The following ANKRD33B variants were observed in gnomAD, a reference collection of about 807,000 sequenced individuals.
ANKRD33B encodes the protein ankyrin repeat domain-containing protein 33B.
ANKRD33B carries 6 observed loss-of-function variants against 21.5 expected under a neutral mutation model. The ratio of observed to expected loss-of-function variants is 0.28; its 90% CI spans 0.15 to 0.55. The LOEUF is 0.55. Ranked by LOEUF, ANKRD33B falls within the 20% of genes least tolerant of loss-of-function variation. The pLI is 0.94. For synonymous variants in ANKRD33B, 347 were observed against 342.4 expected, an observed-to-expected ratio of 1.01 and a Z score of -0.15; for missense variants, 698 against 747.2, an observed-to-expected ratio of 0.93 and a Z score of 0.77.
chr5:10,654,564 G>A lies in ANKRD33B; in HGVS notation c.*4451G>A, dbSNP rs1737438026. ...ATGCCTGGAGCTCACCCTTGATGGA[G>A]ACTTCCTTGGTGATTGGAGATGGGG... On this transcript the variant is annotated 3_prime_UTR_variant, in exon 4 of 4. Coordinates refer to ENST00000296657, the MANE Select transcript of ANKRD33B (RefSeq NM_001164440.2). 6.6e-6 allele frequency: 1 copy of A among 152,430 alleles called. No individual in the cohort carries two copies. Among genetic ancestry groups the A allele is most frequent in the African/African-American group, 2.4e-5 (1 of 41,456 alleles). The allele number at this position is 152,430 out of a possible 1,614,324, so 9.4% of individuals were successfully genotyped here. A position where few individuals can be genotyped will look rare whatever the true frequency, so the allele number is the denominator to read the frequency against.
chr5:10,595,273 C>T (rs1735795938), intron 1 of ANKRD33B, among the ~76,000 whole-genome samples: 4 of 151,970 alleles, frequency 2.6e-5, no homozygotes, highest in African/African-American at 7.2e-5. Context: ...TGAAGGCTGC[C>T]GTAACAAATG....
At chr5:10,606,664 G>A (rs570448033) in intron 1 of ANKRD33B, among the ~76,000 whole-genome samples, 1 of 152,076 alleles carries the variant, frequency 6.6e-6, no homozygotes, top group South Asian at 2.1e-4. Context: ...AACCCACGAG[G>A]TGGAGGTTGC....
At position 10,650,727 on chromosome 5, in the gene ANKRD33B, C is replaced by A. The variant is rs530424534; in HGVS notation, c.*614C>A. 1 of 152,478 alleles carries A rather than the reference C, an allele frequency of 6.6e-6. No homozygotes were observed. Among genetic ancestry groups the A allele is most frequent in the African/African-American group, 2.4e-5 (1 of 41,586 alleles). 9.4% of individuals were successfully genotyped at this position (152,478 alleles called of 1,614,324 possible). On this transcript the variant is annotated 3_prime_UTR_variant, in exon 4 of 4. Transcript: ENST00000296657. ...ACGGAGGCATTGGCTCGTTGAGCCA[C>A]ATGATCAAGTGAGACAGAGGATCAG...
At chr5:10,569,368 A>G (rs13188276) in intron 1 of ANKRD33B, among the ~76,000 whole-genome samples, 23,554 of 152,056 alleles carry the variant, frequency 0.15, 2,014 homozygotes, top group Non-Finnish European at 0.19. Flanking sequence ...AGGCCGAGGC[A>G]GGCAGATCAC....
At chr5:10,582,228 T>C (rs1735459085) in intron 1 of ANKRD33B, among the ~76,000 whole-genome samples, 1 of 152,236 alleles carries the variant, frequency 6.6e-6, no homozygotes, top group East Asian at 1.9e-4. Flanking sequence ...TGTTACTGTT[T>C]TGAAATTCTT....
rs569129244 is a variant in ANKRD33B at position 10,576,806 on chromosome 5, G to A, written c.366+11973G>A. On this transcript the variant is annotated intron_variant, in intron 1 of 3. Coordinates refer to ENST00000296657, the MANE Select transcript of ANKRD33B (RefSeq NM_001164440.2). The surrounding 1 kb of genome is among the most constrained non-coding windows in gnomAD (Gnocchi z 4.1). ...AGAAAATAGCACATCCACATGGTGA[G>A]GCCTCTTTTGTAACTGTTAAAAGTG... 6.6e-6 allele frequency among the ~76,000 whole-genome samples: 1 copy of A among 152,316 alleles called. No individual in the cohort carries two copies. Among genetic ancestry groups the A allele is most frequent in the East Asian group, 1.9e-4 (1 of 5,176 alleles).
intron 1 of ANKRD33B, among the ~76,000 whole-genome samples, chr5:10,573,507 G>T (rs983622476): frequency 6.6e-6 from 1 of 151,692 alleles, no homozygotes; most frequent in African/African-American, 2.4e-5. Context: ...TTCTTTTATG[G>T]ACATACATAC....
chr5:10,620,341 G>A (rs1273742052), intron 2 of ANKRD33B, among the ~76,000 whole-genome samples: 1 of 151,994 alleles, frequency 6.6e-6, no homozygotes, highest in Non-Finnish European at 1.5e-5. Flanking sequence ...TGAATGGGAG[G>A]AACATTGGTT....
chr5:10,570,759 A>G (rs538168425), intron 1 of ANKRD33B, among the ~76,000 whole-genome samples: 2 of 151,912 alleles, frequency 1.3e-5, no homozygotes, highest in African/African-American at 4.8e-5. Flanking sequence ...GGATCTTGCT[A>G]TGTTGCCCAG....
chr5:10,647,999 C>G (rs1357325016), intron 3 of ANKRD33B, among the ~76,000 whole-genome samples: 2 of 152,092 alleles, frequency 1.3e-5, no homozygotes, highest in Non-Finnish European at 2.9e-5. Flanking sequence ...TAAAACTGAC[C>G]ATCACACCAG....
chr5:10,622,717 C>T (rs190752457), intron 2 of ANKRD33B, among the ~76,000 whole-genome samples: 20 of 152,132 alleles, frequency 1.3e-4, no homozygotes, highest in Admixed American at 1.3e-3. Context: ...AAGATGCTGC[C>T]CTGAAACCTG....
chr5:10,597,012 C>A (rs1432126825), intron 1 of ANKRD33B, among the ~76,000 whole-genome samples: 1 of 152,126 alleles, frequency 6.6e-6, no homozygotes, highest in African/African-American at 2.4e-5. Context: ...GAATTTGTCA[C>A]CATCAGGCCT....
intron 3 of ANKRD33B, 26 bp from the exon 4 acceptor site, chr5:10,649,240 T>G (rs1243156738): frequency 2.0e-6 from 3 of 1,501,876 alleles, no homozygotes; most frequent in Non-Finnish European, 2.7e-6. Flanking sequence ...CGCCACCCAC[T>G]TCTGTTTGTG....
At chr5:10,618,966 T>A (rs1325295192) in intron 2 of ANKRD33B, among the ~76,000 whole-genome samples, 2 of 152,246 alleles carry the variant, frequency 1.3e-5, no homozygotes, top group East Asian at 3.9e-4. Flanking sequence ...AGTGGGAGCA[T>A]CTTGTGAGCG....
intron 1 of ANKRD33B, among the ~76,000 whole-genome samples, chr5:10,585,655 T>G (rs757398959): frequency 1.2e-4 from 18 of 152,210 alleles, no homozygotes; most frequent in Non-Finnish European, 2.1e-4. Flanking sequence ...GTGCTGGAGA[T>G]GTCTGGATTG....
intron 1 of ANKRD33B, among the ~76,000 whole-genome samples, chr5:10,611,181 A>AC (rs1736163992): frequency 6.6e-6 from 1 of 152,268 alleles, no homozygotes; most frequent in Non-Finnish European, 1.5e-5. Context: ...AAGAAAGCAC[A>AC]AAAAGGCATT....
At chr5:10,605,409 A>C (rs1255954470) in intron 1 of ANKRD33B, among the ~76,000 whole-genome samples, 6 of 152,226 alleles carry the variant, frequency 3.9e-5, no homozygotes, top group Admixed American at 3.9e-4. Context: ...GTATGGAATG[A>C]ATAAGAAAAG....
At chr5:10,574,662 A>G (rs1467388462) in intron 1 of ANKRD33B, among the ~76,000 whole-genome samples, 1 of 152,246 alleles carries the variant, frequency 6.6e-6, no homozygotes, top group Admixed American at 6.5e-5. Flanking sequence ...AATAAAATAG[A>G]TATTTTTGAC....
intron 1 of ANKRD33B, among the ~76,000 whole-genome samples, chr5:10,565,724 T>TC (rs1735033943): frequency 6.6e-6 from 1 of 152,214 alleles, no homozygotes; most frequent in African/African-American, 2.4e-5. Flanking sequence ...GCAAAGCACT[T>TC]CAAGGGAAAA....
Sources: gnomAD v4.1 joint callset for allele counts (sites outside exome capture counted in the v4.1 genomes callset) on GRCh38, gnomAD v4.1.1 for gene constraint, Gnocchi (gnomAD v3.1) non-coding constraint, MANE v1.5 for transcripts, NCBI Gene and HGNC (gene_info 2026-07-23, HGNC 2026-07-21) for gene names.